PDE4B: variants seen among roughly 807,000 people sequenced by gnomAD.
PDE4B encodes 3',5'-cyclic-AMP phosphodiesterase 4B.
PDE4B carries 20 observed loss-of-function variants against 82.2 expected under a neutral mutation model. The ratio of observed to expected loss-of-function variants is 0.24; its 90% CI spans 0.17 to 0.35. The LOEUF (loss-of-function observed/expected upper bound fraction) is 0.35. Among genes scored for constraint, PDE4B ranks in the 10% least tolerant of loss-of-function variants. The probability of loss-of-function intolerance (pLI) is 1.00; values close to 1 mark genes in which losing one functional copy is unlikely to be tolerated. For missense variants in PDE4B, 655 were observed against 907.2 expected (o/e 0.72, Z 3.57); for synonymous variants, 320 against 318.9 (o/e 1.00, Z -0.04).
intron 7 of PDE4B, among the ~76,000 whole-genome samples, chr1:66,286,273 T>G (rs899636347): frequency 2.0e-5 from 3 of 152,108 alleles, no homozygotes; most frequent in African/African-American, 7.2e-5. Context: ...TGTTTTACAT[T>G]TTCTCGTCAT....
intron 3 of PDE4B, among the ~76,000 whole-genome samples, chr1:66,222,240 A>G (rs1364219829): frequency 2.6e-5 from 4 of 152,252 alleles, no homozygotes; most frequent in Admixed American, 2.0e-4. Flanking sequence ...AAAACATCTT[A>G]GAGTTTCTTC....
At chr1:66,004,012 A>G (rs2503183) in intron 3 of PDE4B, among the ~76,000 whole-genome samples, 149,398 of 152,306 alleles carry the variant, frequency 0.98, 73,329 homozygotes, top group Middle Eastern at 1. Flanking sequence ...AAAAAGCACA[A>G]CATTTGGTTT....
At chr1:66,031,009 A>C (rs1653742970) in intron 3 of PDE4B, among the ~76,000 whole-genome samples, 2 of 152,212 alleles carry the variant, frequency 1.3e-5, no homozygotes, top group Admixed American at 6.5e-5. Flanking sequence ...TCTGTTGGAT[A>C]TTATGCTTTC....
intron 3 of PDE4B, among the ~76,000 whole-genome samples, chr1:66,129,501 CAAA>C (rs569322762): frequency 1.1e-4 from 17 of 148,632 alleles, no homozygotes; most frequent in Admixed American, 1.0e-3. Flanking sequence ...ACTAAAAATA[CAAA>C]AAAAAATTAG....
intron 6 of PDE4B, among the ~76,000 whole-genome samples, chr1:66,264,098 G>A (rs1654870923): frequency 6.6e-6 from 1 of 152,160 alleles, no homozygotes; most frequent in Non-Finnish European, 1.5e-5. Flanking sequence ...TAACTAGACA[G>A]AGCCTATTTA....
chr1:66,150,565 A>G (rs77326137), intron 3 of PDE4B, among the ~76,000 whole-genome samples: 2,129 of 152,240 alleles, frequency 0.014, 41 homozygotes, highest in African/African-American at 0.049. Flanking sequence ...AGAATCTTCA[A>G]TATAATGTTG....
intron 3 of PDE4B, among the ~76,000 whole-genome samples, chr1:66,119,559 C>G (rs889878807): frequency 6.6e-6 from 1 of 152,216 alleles, no homozygotes; most frequent in Non-Finnish European, 1.5e-5. Flanking sequence ...TTATAGGACT[C>G]TGCCCATAAC....
intron 16 of PDE4B, among the ~76,000 whole-genome samples, chr1:66,371,023 T>A (rs969872460): frequency 2.8e-5 from 4 of 145,130 alleles, no homozygotes; most frequent in Non-Finnish European, 4.5e-5. Flanking sequence ...AATAAGAAAA[T>A]ATATATATAT....
intron 1 of PDE4B, among the ~76,000 whole-genome samples, chr1:65,812,527 A>G (rs1209016400): frequency 6.6e-6 from 1 of 152,184 alleles, no homozygotes; most frequent in African/African-American, 2.4e-5. Context: ...AATTTCCAAG[A>G]CAGTAAAATG....
chr1:66,147,597 CTA>C (rs2101176801), intron 3 of PDE4B, among the ~76,000 whole-genome samples: 1 of 152,324 alleles, frequency 6.6e-6, no homozygotes, highest in African/African-American at 2.4e-5. Context: ...AGAGTAAAAG[CTA>C]TTTTCTAAAT....
chr1:65,859,099 T>C (rs1016080010), intron 1 of PDE4B, among the ~76,000 whole-genome samples: 1 of 152,164 alleles, frequency 6.6e-6, no homozygotes, highest in African/African-American at 2.4e-5. Context: ...ATGCTAGAAG[T>C]GCCTAGCATT....
chr1:66,250,373 C>T (rs1051097123), intron 4 of PDE4B, among the ~76,000 whole-genome samples: 1 of 152,142 alleles, frequency 6.6e-6, no homozygotes, highest in Non-Finnish European at 1.5e-5. Flanking sequence ...TTGCATAATT[C>T]TACTGCATTA....
intron 3 of PDE4B, among the ~76,000 whole-genome samples, chr1:66,072,930 T>C (rs1166672204): frequency 3.3e-5 from 5 of 151,652 alleles, no homozygotes; most frequent in African/African-American, 1.2e-4. Context: ...TTGATGAAGG[T>C]GGAGGTGAAG....
At chr1:66,149,501 G>C (rs1646348930) in intron 3 of PDE4B, among the ~76,000 whole-genome samples, 1 of 152,050 alleles carries the variant, frequency 6.6e-6, no homozygotes, top group South Asian at 2.1e-4. Context: ...TGCTGTTGGT[G>C]TCCCTTCTAA....
chr1:66,212,283 G>A (rs759243509), intron 3 of PDE4B, among the ~76,000 whole-genome samples: 1 of 152,136 alleles, frequency 6.6e-6, no homozygotes, highest in Non-Finnish European at 1.5e-5. Context: ...GGCCCAATGG[G>A]CCTGACCCTC....
At chr1:66,354,481 G>A in intron 8 of PDE4B, 1 of 1,022,740 alleles carries the variant, frequency 9.8e-7, no homozygotes, top group Non-Finnish European at 1.2e-6. Context: ...CAGCTGAGTA[G>A]GACTAATGTA....
chr1:65,990,441 C>T (rs1651183143), intron 3 of PDE4B, among the ~76,000 whole-genome samples: 1 of 152,032 alleles, frequency 6.6e-6, no homozygotes, highest in Admixed American at 6.5e-5. Context: ...TTTGCCAATA[C>T]ATCACTATGA....
intron 3 of PDE4B, among the ~76,000 whole-genome samples, chr1:66,163,433 AATT>A (rs1300773117): frequency 2.4e-4 from 36 of 152,268 alleles, no homozygotes; most frequent in African/African-American, 8.4e-4. Context: ...GTATAAAAGT[AATT>A]ATTAGTACTA....
chr1:65,890,614 C>G (rs1646842471), intron 1 of PDE4B, among the ~76,000 whole-genome samples: 1 of 151,930 alleles, frequency 6.6e-6, no homozygotes, highest in Non-Finnish European at 1.5e-5. Context: ...TACCTGTAGT[C>G]AGCTGCAATC....
Sources: gnomAD v4.1 joint callset for allele counts (sites outside exome capture counted in the v4.1 genomes callset) on GRCh38, gnomAD v4.1.1 for gene constraint, MANE v1.5 for transcripts, NCBI Gene and HGNC (gene_info 2026-07-23, HGNC 2026-07-21) for gene names.